GLE1: variants seen among roughly 807,000 people sequenced by gnomAD.
GLE1 encodes mRNA export factor GLE1.
Under a neutral mutation model 97.3 loss-of-function variants are expected in GLE1, and 78 were observed. The ratio of observed to expected loss-of-function variants is 0.80; its 90% CI spans 0.67 to 0.97. GLE1 has a LOEUF of 0.97. GLE1 is among the 50% of genes least tolerant of loss of function. The pLI, the probability that GLE1 is intolerant of heterozygous loss-of-function variation, is 0.00. For synonymous variants in GLE1, 302 were observed against 313.4 expected (o/e 0.96, Z 0.39); for missense variants, 753 against 857.5 (o/e 0.88, Z 1.52).
chr9:128,526,504 GCAC>G (rs937971813), intron 7 of GLE1, among the ~76,000 whole-genome samples: 15 of 152,098 alleles, frequency 9.9e-5, no homozygotes, highest in African/African-American at 3.6e-4. Flanking sequence ...TTACAGGCAT[GCAC>G]CACCACACCT....
chr9:128,510,526 CTT>C (rs71381766), intron 2 of GLE1, among the ~76,000 whole-genome samples: 123 of 82,702 alleles, frequency 1.5e-3, no homozygotes, highest in Middle Eastern at 0.011. Flanking sequence ...CACACCCAGG[CTT>C]TTTTTTTTTT....
chr9:128,523,876 T>C (rs1412035980), intron 6 of GLE1, 30 bp downstream of exon 6: 2 of 1,612,628 alleles, frequency 1.2e-6, no homozygotes, highest in African/African-American at 2.7e-5. Flanking sequence ...GACTCTTTGC[T>C]GTCTTTGAAA....
Position 128,541,323 on chromosome 9 carries a change from T to G in GLE1, c.*153T>G. On this transcript the variant is annotated 3_prime_UTR_variant, in exon 16 of 16. Coordinates refer to ENST00000309971, the MANE Select transcript of GLE1 (RefSeq NM_001003722.2). ...GCCTTGTGACTAGGAGAGGAGATTT[T>G]CATGGGTCACAAAATTCTTGGAGGT... The G allele has an allele frequency of 3.1e-6, 2 of 644,862 alleles. No individual in the cohort carries two copies. The highest frequency in any genetic ancestry group is 3.5e-5 in the South Asian group (2 of 57,540). 39.9% of individuals were successfully genotyped at this position (644,862 alleles called of 1,614,324 possible).
In GLE1 at chr9:128,504,742, C is replaced by A. The variant is rs1003738375; in HGVS notation, c.-64C>A. 8.1e-6 allele frequency: 9 copies of A among 1,106,962 alleles called. No homozygotes were observed. Among genetic ancestry groups the A allele is most frequent in the African/African-American group, 1.5e-5 (1 of 65,426 alleles). 68.6% of individuals were successfully genotyped at this position (1,106,962 alleles called of 1,614,324 possible). On this transcript the variant is annotated 5_prime_UTR_variant, in exon 1 of 16. Transcript: ENST00000309971. ...GCAGAAGCCTGTGTGGCCTTCCCGG[C>A]GGCTGATTCGAGGGCTTGTTTGGTC...
chr9:128,529,704 C>G (rs1380753698), intron 9 of GLE1, among the ~76,000 whole-genome samples: 1 of 151,884 alleles, frequency 6.6e-6, no homozygotes, highest in African/African-American at 2.4e-5. Flanking sequence ...CTCTCTCCCT[C>G]TCTCCCTCTC....
At chr9:128,520,203 T>A (rs2132445186) in intron 3 of GLE1, among the ~76,000 whole-genome samples, 1 of 152,038 alleles carries the variant, frequency 6.6e-6, no homozygotes, top group Non-Finnish European at 1.5e-5. Context: ...TGAGCCGAGA[T>A]GGTGCCAGTG....
chr9:128,510,381 A>G (rs1564142672), intron 2 of GLE1, among the ~76,000 whole-genome samples: 2 of 151,686 alleles, frequency 1.3e-5, no homozygotes, highest in African/African-American at 4.8e-5. Context: ...GGCACCCACT[A>G]TCACGCCCGG....
At chr9:128,520,577 GC>G (rs1589052732) in intron 3 of GLE1, among the ~76,000 whole-genome samples, 1 of 151,826 alleles carries the variant, frequency 6.6e-6, no homozygotes, top group African/African-American at 2.4e-5. Context: ...TCCGTTTTCA[GC>G]CTGATGAGGC....
At position 128,525,510 on chromosome 9, in the gene GLE1, C is replaced by T; in HGVS notation, c.1129+87C>T. 8.8e-6 allele frequency: 8 copies of T among 910,164 alleles called. No individual in the cohort carries two copies. In the South Asian group the frequency reaches 1.1e-4, roughly 13 times the overall value. 56.4% of individuals were successfully genotyped at this position (910,164 alleles called of 1,614,324 possible). ...AGCATGTTTTGAATGTTGTGTTAAA[C>T]TGTAGGACAGTTAACCAGAATTTTA... On this transcript the variant is annotated intron_variant, in intron 7 of 15. Coordinates refer to ENST00000309971, the MANE Select transcript of GLE1 (RefSeq NM_001003722.2).
chr9:128,541,867 G>A lies in GLE1; in HGVS notation c.*697G>A, dbSNP rs1847890274. 1 of 152,232 alleles carries A rather than the reference G, an allele frequency of 6.6e-6. No individual in the cohort carries two copies. Among genetic ancestry groups the A allele is most frequent in the Non-Finnish European group, 1.5e-5 (1 of 68,068 alleles). The allele number at this position is 152,232 out of a possible 1,614,324, so 9.4% of individuals were successfully genotyped here. Reference sequence around the variant, plus strand: ...TGGATGGCTAGGGATCCATGAACCAGGCAGGTACCTTTTTTGTTTTTGTTT... The same window carrying A: ...TGGATGGCTAGGGATCCATGAACCAAGCAGGTACCTTTTTTGTTTTTGTTT... On this transcript the variant is annotated 3_prime_UTR_variant, in exon 16 of 16. Coordinates refer to ENST00000309971, the MANE Select transcript of GLE1 (RefSeq NM_001003722.2).
intron 7 of GLE1, among the ~76,000 whole-genome samples, chr9:128,525,955 G>T (rs908810612): frequency 6.6e-6 from 1 of 152,082 alleles, no homozygotes; most frequent in Non-Finnish European, 1.5e-5. Flanking sequence ...GTACCATAGT[G>T]TTTGAGAGTG....
chr9:128,505,861 A>C (rs1165602749), intron 1 of GLE1, among the ~76,000 whole-genome samples: 2 of 152,232 alleles, frequency 1.3e-5, no homozygotes. Context: ...GATGTTTTCC[A>C]CATGAATCGA....
chr9:128,525,797 G>A (rs1410883874), intron 7 of GLE1, among the ~76,000 whole-genome samples: 6 of 152,100 alleles, frequency 3.9e-5, no homozygotes, highest in East Asian at 3.9e-4. Flanking sequence ...ATGGTGGCAC[G>A]CACCTGTAGT....
At chr9:128,528,984 G>A (rs1199990539) in intron 9 of GLE1, 5 of 152,112 alleles carry the variant, frequency 3.3e-5, no homozygotes, top group East Asian at 1.9e-4. Context: ...TCCGTTCCCC[G>A]ACTCACTTCT....
rs1847770561 is a variant in GLE1, at chr9:128,537,970, G to T, written c.1777-16G>T. ...ACAAAATGAGATCAATGATAACCAAGCTTCTCTACTCCCAGATTCACCCTC... is the reference window on the plus strand; with the variant it reads ...ACAAAATGAGATCAATGATAACCAATCTTCTCTACTCCCAGATTCACCCTC... On this transcript the variant is annotated splice_polypyrimidine_tract_variant and intron_variant, in intron 12 of 15. Transcript: ENST00000309971. 6.9e-7 allele frequency: 1 copy of T among 1,441,390 alleles called. No individual in the cohort carries two copies. Among genetic ancestry groups the T allele is most frequent in the Non-Finnish European group, 9.8e-7 (1 of 1,023,016 alleles). The allele number at this position is 1,441,390 out of a possible 1,614,324, so 89.3% of individuals were successfully genotyped here. A position where few individuals can be genotyped will look rare whatever the true frequency, so the allele number is the denominator to read the frequency against.
Position 128,540,340 on chromosome 9 carries a change from T to A in GLE1, c.2028+2T>A. On this transcript the variant is annotated splice_donor_variant, in intron 15 of 15. Coordinates refer to ENST00000309971, the MANE Select transcript of GLE1 (RefSeq NM_001003722.2). LOFTEE classifies it high-confidence loss of function. The stretch of plus-strand genomic sequence containing the variant: ...ATACGCCTCAAGCAGTTCTTGGAGG[T>A]AAGATGCCCTTAGACCAACATGCCC... 1 of 1,595,426 alleles carries A rather than the reference T, an allele frequency of 6.3e-7. No homozygotes were observed. Among genetic ancestry groups the A allele is most frequent in the Non-Finnish European group, 8.6e-7 (1 of 1,162,984 alleles).
intron 2 of GLE1, among the ~76,000 whole-genome samples, chr9:128,512,756 T>G (rs879855969): frequency 6.6e-6 from 1 of 151,928 alleles, no homozygotes; most frequent in East Asian, 1.9e-4. Context: ...CAACCCCAGG[T>G]TCAAGTGATT....
At chr9:128,508,296 G>A (rs555076086) in intron 1 of GLE1, among the ~76,000 whole-genome samples, 1 of 152,202 alleles carries the variant, frequency 6.6e-6, no homozygotes, top group East Asian at 1.9e-4. Context: ...CAGCTGCTGG[G>A]GAGACTGGTT....
At position 128,511,574 on chromosome 9, in the gene GLE1, C is replaced by T. The variant is rs117576902; in HGVS notation, c.321+2477C>T. On this transcript the variant is annotated intron_variant, in intron 2 of 15. Coordinates refer to ENST00000309971, the MANE Select transcript of GLE1 (RefSeq NM_001003722.2). Reference sequence around the variant, plus strand: ...TAAAAAAAAAAATTAGGCGAGTTGGCGGGCACCTGTAGTCCCAGCTACTCA... The same window carrying T: ...TAAAAAAAAAAATTAGGCGAGTTGGTGGGCACCTGTAGTCCCAGCTACTCA... Among the ~76,000 whole-genome samples, 1,142 of 151,338 alleles carry T rather than the reference C, an allele frequency of 7.5e-3. 5 individuals are homozygous for T. Among genetic ancestry groups the T allele is most frequent in the Non-Finnish European group, 0.012 (805 of 67,810 alleles).
Sources: allele counts gnomAD v4.1 joint callset (sites outside exome capture counted in the v4.1 genomes callset), GRCh38; gene constraint gnomAD v4.1.1; transcripts MANE v1.5; gene names NCBI Gene and HGNC (gene_info 2026-07-23, HGNC 2026-07-21).